TG: variants seen among roughly 807,000 people sequenced by gnomAD.
The protein encoded by TG is thyroid hormones.
TG carries 270 observed loss-of-function variants against 324.7 expected under a neutral mutation model. The ratio of observed to expected loss-of-function variants is 0.83; its 90% CI spans 0.75 to 0.92. TG has a LOEUF of 0.92. TG is among the 40% of genes least tolerant of loss of function. The pLI is 0.00. For synonymous variants in TG, 1,401 were observed against 1,327.0 expected, an observed-to-expected ratio of 1.06 and a Z score of -1.21; for missense variants, 3,591 against 3,456.4, an observed-to-expected ratio of 1.04 and a Z score of -0.98.
At position 133,053,821 on chromosome 8, in the gene TG, CT is replaced by C. The variant is rs371010929; in HGVS notation, c.7239+23799del. On this transcript the variant is annotated intron_variant, in intron 41 of 47. Transcript: ENST00000220616. ...TTTCACAATAACAAAGTTAAGTTTCCTGTGGAATTTCCGTAATAGTGATGTT... is the reference window on the plus strand; with the variant it reads ...TTTCACAATAACAAAGTTAAGTTTCCGTGGAATTTCCGTAATAGTGATGTT... 2.1e-3 allele frequency among the ~76,000 whole-genome samples: 326 copies of C among 152,232 alleles called. 1 individual carries two copies. Among genetic ancestry groups the C allele is most frequent in the African/African-American group, 7.6e-3 (314 of 41,544 alleles).
intron 12 of TG, 118 bp downstream of exon 12, chr8:132,897,904 G>T: frequency 1.5e-6 from 2 of 1,307,238 alleles, no homozygotes; most frequent in Non-Finnish European, 1.1e-6. Context: ...TTAGCAGCTG[G>T]TGAAAAATTC....
Position 132,888,578 on chromosome 8 carries a change from C to T in TG, c.2761+10C>T, listed in dbSNP as rs368037086. The T allele has an allele frequency of 1.5e-4, 239 of 1,606,094 alleles. No homozygotes were observed. The African/African-American group carries it at 2.4e-3, about 16-fold the overall frequency. On this transcript the variant is annotated intron_variant, in intron 10 of 47. Coordinates refer to ENST00000220616, the MANE Select transcript of TG (RefSeq NM_003235.5). ...AGCAAGCTCCCAACATGTGAGCTAACGCATATGAAGAGTTAAATGTGTGTG... is the reference window on the plus strand; with the variant it reads ...AGCAAGCTCCCAACATGTGAGCTAATGCATATGAAGAGTTAAATGTGTGTG...
At chr8:132,876,023 A>G (rs1239498030) in intron 5 of TG, among the ~76,000 whole-genome samples, 1 of 151,684 alleles carries the variant, frequency 6.6e-6, no homozygotes, top group African/African-American at 2.4e-5. Flanking sequence ...TTTTTTTTTC[A>G]GTGTAAGTAT....
At chr8:133,008,152 A>G (rs1427993788) in intron 35 of TG, among the ~76,000 whole-genome samples, 3 of 152,246 alleles carry the variant, frequency 2.0e-5, no homozygotes, top group African/African-American at 7.2e-5. Context: ...TCTCAAATTA[A>G]TGTTTAACTT....
intron 30 of TG, 121 bp from the exon 31 acceptor site, chr8:132,967,673 G>C: frequency 9.1e-7 from 1 of 1,100,534 alleles, no homozygotes; most frequent in African/African-American, 1.5e-5. Context: ...ACAGTCTCAG[G>C]CCTCTGCCCT....
At chr8:132,933,781 GA>G in intron 24 of TG, 105 bp downstream of exon 24, 1 of 1,001,512 alleles carries the variant, frequency 1.0e-6, no homozygotes, top group Non-Finnish European at 1.6e-6. Context: ...TGAGGTTGTC[GA>G]GAGCTGATCC....
chr8:133,020,371 A>C (rs1363780413), intron 39 of TG, among the ~76,000 whole-genome samples: 1 of 152,190 alleles, frequency 6.6e-6, no homozygotes, highest in Non-Finnish European at 1.5e-5. Flanking sequence ...CCTCCTGGAC[A>C]CTTCCTGTGG....
intron 41 of TG, chr8:133,044,970 TGTA>T: frequency 6.2e-7 from 1 of 1,614,000 alleles, no homozygotes; most frequent in Non-Finnish European, 8.5e-7. Context: ...CACTCCATAT[TGTA>T]TGTCTCTTAC....
intron 43 of TG, among the ~76,000 whole-genome samples, chr8:133,105,183 AC>A (rs1378533846): frequency 6.6e-5 from 10 of 152,164 alleles, no homozygotes; most frequent in Non-Finnish European, 1.3e-4. Context: ...TGATGTTACA[AC>A]CATTTTTCAA....
At chr8:132,899,365 T>TAG (rs1365959800) in intron 14 of TG, among the ~76,000 whole-genome samples, 2 of 152,328 alleles carry the variant, frequency 1.3e-5, no homozygotes, top group East Asian at 3.9e-4. Context: ...AGTACTGATG[T>TAG]AGAGCTCCTA....
intron 40 of TG, among the ~76,000 whole-genome samples, chr8:133,023,772 G>A (rs566998085): frequency 3.3e-5 from 5 of 152,286 alleles, no homozygotes; most frequent in Middle Eastern, 3.4e-3. Context: ...TCCATATGTC[G>A]TCTGTCCCTC....
intron 27 of TG, among the ~76,000 whole-genome samples, chr8:132,952,613 GC>G (rs1826271416): frequency 6.6e-6 from 1 of 152,164 alleles, no homozygotes; most frequent in South Asian, 2.1e-4. Flanking sequence ...TGGGGAATTG[GC>G]ATTTGTTTTT....
At chr8:132,966,763 T>A in intron 30 of TG, 66 bp downstream of exon 30, 1 of 1,608,492 alleles carries the variant, frequency 6.2e-7, no homozygotes, top group Non-Finnish European at 8.5e-7. Context: ...AGGCCAAGTC[T>A]GGCAACTCCT....
chr8:133,031,669 T>C (rs1400710647), intron 41 of TG, among the ~76,000 whole-genome samples: 1 of 152,172 alleles, frequency 6.6e-6, no homozygotes, highest in Non-Finnish European at 1.5e-5. Flanking sequence ...GAAGTGTCAT[T>C]GTTTGGGCGC....
intron 41 of TG, among the ~76,000 whole-genome samples, chr8:133,063,304 C>G (rs2741204): frequency 0.7 from 103,796 of 148,994 alleles, 36,655 homozygotes; most frequent in Non-Finnish European, 0.73. Flanking sequence ...ATCCCCTCCC[C>G]CAAGCTGCTT....
At chr8:133,067,149 G>A (rs1587967157) in intron 41 of TG, among the ~76,000 whole-genome samples, 1 of 152,114 alleles carries the variant, frequency 6.6e-6, no homozygotes, top group African/African-American at 2.4e-5. Context: ...GATTTCCGGG[G>A]TCACCCACCA....
intron 45 of TG, among the ~76,000 whole-genome samples, chr8:133,124,351 T>A (rs1258517837): frequency 6.6e-6 from 1 of 152,136 alleles, no homozygotes; most frequent in East Asian, 1.9e-4. Flanking sequence ...TTTCTTTGAA[T>A]GGAAGAGTGG....
intron 32 of TG, among the ~76,000 whole-genome samples, chr8:132,970,056 C>T (rs914943876): frequency 1.3e-5 from 2 of 151,730 alleles, no homozygotes; most frequent in South Asian, 2.1e-4. Context: ...TTGAACTACT[C>T]GCTGGATGAT....
chr8:132,894,057 G>A, intron 11 of TG, 128 bp downstream of exon 11: 2 of 1,457,212 alleles, frequency 1.4e-6, no homozygotes, highest in Non-Finnish European at 9.4e-7. Context: ...TTCTTGGGAA[G>A]GAAAAGGCAA....
Sources: allele counts gnomAD v4.1 joint callset (sites outside exome capture counted in the v4.1 genomes callset), GRCh38; gene constraint gnomAD v4.1.1; transcripts MANE v1.5; gene names NCBI Gene and HGNC (gene_info 2026-07-23, HGNC 2026-07-21).